Variants in DPYD observed in about 807,000 individuals in gnomAD.
DPYD encodes the protein dihydropyrimidine dehydrogenase.
DPYD carries 109 observed loss-of-function variants against 116.2 expected under a neutral mutation model. The ratio of observed to expected loss-of-function variants is 0.94; its 90% confidence interval spans 0.80 to 1.10. The LOEUF is 1.10. Ranked by LOEUF, DPYD falls within the 50% of genes least tolerant of loss-of-function variation. The pLI is 0.00. For missense variants in DPYD, 1,302 were observed against 1,254.5 expected (o/e 1.04, Z -0.57); for synonymous variants, 440 against 432.0 (o/e 1.02, Z -0.23).
At chr1:97,707,424 C>T (rs1466112243) in intron 5 of DPYD, among the ~76,000 whole-genome samples, 1 of 147,314 alleles carries the variant, frequency 6.8e-6, no homozygotes, top group Non-Finnish European at 1.5e-5. Context: ...GGTATATCTC[C>T]CAGTGCTATC....
chr1:97,373,608 A>G lies in DPYD; in HGVS notation c.2011T>C (p.Cys671Arg), dbSNP rs1671424148. 3 of 1,613,948 alleles carry G rather than the reference A, an allele frequency of 1.9e-6. No homozygotes were observed. The highest frequency in any genetic ancestry group is 2.5e-6 in the Non-Finnish European group (3 of 1,179,842). ...GADALELNLS[C>R]PHGMGERGMG... ...CCTCTTTCTCCCATGCCATGTGGAC[A>G]TGATAAATTTAACTCCAGGGCATCT... The change falls in exon 16 of 23, where the codon TGT becomes CGT. Residue 671 changes from cysteine to arginine, a missense_variant. Transcript: ENST00000370192.
chr1:97,293,867 G>A (rs181308798), intron 18 of DPYD, among the ~76,000 whole-genome samples: 1 of 142,528 alleles, frequency 7.0e-6, no homozygotes, highest in African/African-American at 2.5e-5. Context: ...AGAATCGCTC[G>A]AACCCGGGAG....
At chr1:97,372,385 T>A (rs971097065) in intron 16 of DPYD, among the ~76,000 whole-genome samples, 1 of 152,120 alleles carries the variant, frequency 6.6e-6, no homozygotes, top group Admixed American at 6.5e-5. Flanking sequence ...TATCTAATCA[T>A]GTGACTCATA....
chr1:97,529,013 A>G (rs1649360494), intron 12 of DPYD, among the ~76,000 whole-genome samples: 2 of 152,110 alleles, frequency 1.3e-5, no homozygotes, highest in African/African-American at 2.4e-5. Flanking sequence ...CCTTATGCCA[A>G]TCTCTATAAA....
intron 4 of DPYD, among the ~76,000 whole-genome samples, chr1:97,727,512 A>G (rs2101040496): frequency 6.6e-6 from 1 of 151,886 alleles, no homozygotes; most frequent in African/African-American, 2.4e-5. Flanking sequence ...GATGATGTGG[A>G]AATTCTCAGA....
chr1:97,271,721 T>G (rs1664594352), intron 18 of DPYD, among the ~76,000 whole-genome samples: 1 of 151,988 alleles, frequency 6.6e-6, no homozygotes, highest in Non-Finnish European at 1.5e-5. Flanking sequence ...ACTACTGTTT[T>G]GTACCTTACC....
intron 13 of DPYD, among the ~76,000 whole-genome samples, chr1:97,469,397 CAAAAAAAAAAAAAAAAA>C (rs59090402): frequency 5.0e-5 from 4 of 80,798 alleles, no homozygotes; most frequent in Non-Finnish European, 8.6e-5. Flanking sequence ...GCTAAAATTG[CAAAAAAAAAAAAAAAAA>C]AAAAAAAAAA....
intron 13 of DPYD, among the ~76,000 whole-genome samples, chr1:97,458,992 C>A (rs1288546893): frequency 6.6e-6 from 1 of 151,542 alleles, no homozygotes; most frequent in Non-Finnish European, 1.5e-5. Flanking sequence ...GGAGCCAGTG[C>A]AAAGAAAAAG....
intron 16 of DPYD, among the ~76,000 whole-genome samples, chr1:97,371,145 G>C (rs901344825): frequency 6.6e-6 from 1 of 151,936 alleles, no homozygotes; most frequent in African/African-American, 2.4e-5. Context: ...TAGGTACAAA[G>C]GCAGCATTTT....
At chr1:97,262,595 T>C (rs1663959764) in intron 18 of DPYD, among the ~76,000 whole-genome samples, 1 of 152,150 alleles carries the variant, frequency 6.6e-6, no homozygotes, top group African/African-American at 2.4e-5. Context: ...ATTTCTTTTA[T>C]GATCTATATT....
At chr1:97,162,394 A>G (rs1422429396) in intron 20 of DPYD, among the ~76,000 whole-genome samples, 4 of 152,136 alleles carry the variant, frequency 2.6e-5, no homozygotes, top group Non-Finnish European at 1.5e-5. Context: ...CTTCAAAGAG[A>G]AAAAAATACC....
At chr1:97,799,607 G>A (rs1366696235) in intron 3 of DPYD, among the ~76,000 whole-genome samples, 1 of 151,836 alleles carries the variant, frequency 6.6e-6, no homozygotes, top group Non-Finnish European at 1.5e-5. Flanking sequence ...CCCATTTCTT[G>A]AGACTGTTAC....
At chr1:97,590,316 G>A (rs1654419269) in intron 10 of DPYD, among the ~76,000 whole-genome samples, 1 of 152,124 alleles carries the variant, frequency 6.6e-6, no homozygotes, top group African/African-American at 2.4e-5. Flanking sequence ...AACCTTCAAA[G>A]GCCTACTGTT....
At chr1:97,550,615 G>T (rs755654081) in intron 11 of DPYD, among the ~76,000 whole-genome samples, 1 of 152,112 alleles carries the variant, frequency 6.6e-6, no homozygotes, top group African/African-American at 2.4e-5. Context: ...AACTGAGTAA[G>T]CCAGTGTTTA....
At chr1:97,408,219 A>C (rs1309898107) in intron 14 of DPYD, among the ~76,000 whole-genome samples, 1 of 152,150 alleles carries the variant, frequency 6.6e-6, no homozygotes, top group African/African-American at 2.4e-5. Flanking sequence ...TGCTTGCTGA[A>C]GGCAAAGGGA....
intron 14 of DPYD, among the ~76,000 whole-genome samples, chr1:97,431,470 T>A (rs1675173854): frequency 6.6e-6 from 1 of 152,160 alleles, no homozygotes; most frequent in Non-Finnish European, 1.5e-5. Flanking sequence ...CATTCAATTA[T>A]ATGAATGTTA....
At chr1:97,848,226 T>C (rs1670401334) in intron 2 of DPYD, among the ~76,000 whole-genome samples, 2 of 152,138 alleles carry the variant, frequency 1.3e-5, no homozygotes, top group Admixed American at 1.3e-4. Context: ...GCCTCCCTAG[T>C]ACCTCCAACT....
chr1:97,610,341 T>C (rs891023759), intron 8 of DPYD, among the ~76,000 whole-genome samples: 61 of 152,030 alleles, frequency 4.0e-4, no homozygotes, highest in African/African-American at 1.4e-3. Flanking sequence ...GTTAACCACA[T>C]TGAGCTGTGA....
chr1:97,861,632 G>C (rs2101593513), intron 2 of DPYD, among the ~76,000 whole-genome samples: 1 of 151,842 alleles, frequency 6.6e-6, no homozygotes, highest in South Asian at 2.1e-4. Context: ...GCACACAAGA[G>C]AAACATGCAA....
Sources: allele counts gnomAD v4.1 joint callset (sites outside exome capture counted in the v4.1 genomes callset), GRCh38; gene constraint gnomAD v4.1.1; transcripts MANE v1.5; gene names NCBI Gene and HGNC (gene_info 2026-07-23, HGNC 2026-07-21).